OXR1: variants seen among roughly 807,000 people sequenced by gnomAD.
OXR1 encodes oxidation resistance 1.
In OXR1, 41 loss-of-function variants were observed where a neutral mutation model predicts 104.6. The observed-to-expected ratio is 0.39, with a 90% CI of 0.31 to 0.51. The LOEUF is 0.51. OXR1 is among the 20% of genes least tolerant of loss of function. OXR1 has a pLI of 0.77. For missense variants in OXR1, 955 were observed against 1,031.9 expected (o/e 0.93, Z 1.02); for synonymous variants, 348 against 348.4 (o/e 1.00, Z 0.01).
chr8:106,424,930 T>C (rs1819050577), intron 2 of OXR1, among the ~76,000 whole-genome samples: 1 of 152,044 alleles, frequency 6.6e-6, no homozygotes, highest in Non-Finnish European at 1.5e-5. Flanking sequence ...AAAACTCTCC[T>C]CAAGATTGAG....
intron 2 of OXR1, among the ~76,000 whole-genome samples, chr8:106,455,358 A>G (rs1563533552): frequency 6.6e-6 from 1 of 152,232 alleles, no homozygotes; most frequent in Non-Finnish European, 1.5e-5. Flanking sequence ...TTTTTACACT[A>G]AAATCATCCC....
chr8:106,402,914 A>G (rs4335109), intron 2 of OXR1, among the ~76,000 whole-genome samples: 93,994 of 151,952 alleles, frequency 0.62, 31,750 homozygotes, highest in African/African-American at 0.9. Flanking sequence ...TCCGCCTCCC[A>G]GGTTCACACC....
chr8:106,461,119 A>G (rs185156027), intron 2 of OXR1, among the ~76,000 whole-genome samples: 1 of 152,258 alleles, frequency 6.6e-6, no homozygotes, highest in East Asian at 1.9e-4. Flanking sequence ...TATGGCCTCA[A>G]AAGCAAATTA....
intron 7 of OXR1, chr8:106,697,385 A>G: frequency 7.9e-7 from 1 of 1,273,468 alleles, no homozygotes; most frequent in East Asian, 2.3e-5. Flanking sequence ...ATGTATATTA[A>G]CCACTCGTGG....
intron 1 of OXR1, among the ~76,000 whole-genome samples, chr8:106,308,048 TA>T (rs774584229): frequency 7.9e-5 from 12 of 151,552 alleles, no homozygotes; most frequent in Admixed American, 6.6e-5. Flanking sequence ...AGAAATTTAT[TA>T]AAAGAGAGAT....
At chr8:106,463,810 A>T (rs1016718381) in intron 2 of OXR1, among the ~76,000 whole-genome samples, 3 of 152,132 alleles carry the variant, frequency 2.0e-5, no homozygotes, top group African/African-American at 7.2e-5. Flanking sequence ...CAACACTGGC[A>T]TTTAGGAAGA....
chr8:106,448,731 T>C (rs1820143344), intron 2 of OXR1, among the ~76,000 whole-genome samples: 1 of 152,200 alleles, frequency 6.6e-6, no homozygotes, highest in South Asian at 2.1e-4. Context: ...CCTTGGTAGA[T>C]GACCAGGTGC....
intron 11 of OXR1, among the ~76,000 whole-genome samples, chr8:106,716,249 A>G (rs1195420477): frequency 6.6e-6 from 1 of 152,182 alleles, no homozygotes; most frequent in Admixed American, 6.5e-5. Flanking sequence ...AAAATATTCT[A>G]CTTCCTATAG....
intron 3 of OXR1, among the ~76,000 whole-genome samples, chr8:106,525,694 G>A (rs997318446): frequency 2.6e-5 from 4 of 152,216 alleles, no homozygotes; most frequent in African/African-American, 9.6e-5. Flanking sequence ...GCTAACAGGT[G>A]TTTGAATAAT....
At chr8:106,509,268 C>A (rs1812366883) in intron 2 of OXR1, among the ~76,000 whole-genome samples, 1 of 152,136 alleles carries the variant, frequency 6.6e-6, no homozygotes, top group Non-Finnish European at 1.5e-5. Context: ...CTACTTTCAG[C>A]CTTTTCCAGT....
chr8:106,611,736 T>C (rs1820826956), intron 3 of OXR1, among the ~76,000 whole-genome samples: 1 of 152,176 alleles, frequency 6.6e-6, no homozygotes, highest in South Asian at 2.1e-4. Context: ...TAGAACATCT[T>C]TATTCTTTGC....
chr8:106,279,047 TC>T (rs771995786), intron 1 of OXR1, among the ~76,000 whole-genome samples: 1 of 152,146 alleles, frequency 6.6e-6, no homozygotes, highest in Non-Finnish European at 1.5e-5. Flanking sequence ...TTCTGTTATA[TC>T]TATTTAGGTT....
At chr8:106,585,492 A>G (rs757974402) in intron 3 of OXR1, among the ~76,000 whole-genome samples, 14 of 152,238 alleles carry the variant, frequency 9.2e-5, no homozygotes, top group Non-Finnish European at 1.6e-4. Context: ...AAAATTTTAC[A>G]TTATTTCATT....
intron 3 of OXR1, among the ~76,000 whole-genome samples, chr8:106,547,653 C>A (rs964084101): frequency 5.9e-5 from 9 of 151,858 alleles, no homozygotes; most frequent in African/African-American, 1.7e-4. Flanking sequence ...TGACCATGCC[C>A]AGCTAATTTT....
intron 2 of OXR1, among the ~76,000 whole-genome samples, chr8:106,506,809 G>A (rs1394119190): frequency 6.6e-6 from 1 of 152,072 alleles, no homozygotes; most frequent in African/African-American, 2.4e-5. Context: ...TGAGGACTTG[G>A]GTCAGGTGTG....
chr8:106,652,202 G>A (rs575006756), intron 3 of OXR1, among the ~76,000 whole-genome samples: 1 of 152,214 alleles, frequency 6.6e-6, no homozygotes, highest in Admixed American at 6.5e-5. Context: ...TCTTAGTGCT[G>A]AGTAGGCATT....
chr8:106,472,556 CA>C (rs1821574724), intron 2 of OXR1, among the ~76,000 whole-genome samples: 1 of 151,678 alleles, frequency 6.6e-6, no homozygotes, highest in Admixed American at 6.6e-5. Context: ...TGTATATGCA[CA>C]AAAGTTTAAA....
At chr8:106,281,483 A>G (rs873476) in intron 1 of OXR1, among the ~76,000 whole-genome samples, 1 of 152,174 alleles carries the variant, frequency 6.6e-6, no homozygotes, top group Non-Finnish European at 1.5e-5. Flanking sequence ...AAACGTTCGG[A>G]CAATGTAAAT....
At chr8:106,564,081 G>T (rs1816891594) in intron 3 of OXR1, among the ~76,000 whole-genome samples, 1 of 152,034 alleles carries the variant, frequency 6.6e-6, no homozygotes, top group Non-Finnish European at 1.5e-5. Context: ...TAAAAAACTA[G>T]AGAAGCAAGA....
Sources: gnomAD v4.1 joint callset for allele counts (sites outside exome capture counted in the v4.1 genomes callset) on GRCh38, gnomAD v4.1.1 for gene constraint, MANE v1.5 for transcripts, NCBI Gene and HGNC (gene_info 2026-07-23, HGNC 2026-07-21) for gene names.